The following COG7 variants were observed in gnomAD, a reference collection of about 807,000 sequenced individuals.
COG7 encodes the protein conserved oligomeric Golgi complex subunit 7.
COG7 carries 49 observed loss-of-function variants against 91.5 expected under a neutral mutation model. The observed-to-expected ratio is 0.54, with a 90% CI of 0.43 to 0.68. The LOEUF is 0.68. COG7 is among the 30% of genes least tolerant of loss of function. The probability of loss-of-function intolerance (pLI) is 0.00; values close to 1 mark genes in which losing one functional copy is unlikely to be tolerated. For missense variants in COG7, 895 were observed against 961.3 expected, an observed-to-expected ratio of 0.93 and a Z score of 0.91; for synonymous variants, 365 against 388.7, an observed-to-expected ratio of 0.94 and a Z score of 0.72.
At chr16:23,430,431 A>G (rs1200882331) in intron 6 of COG7, among the ~76,000 whole-genome samples, 4 of 144,342 alleles carry the variant, frequency 2.8e-5, no homozygotes, top group Non-Finnish European at 4.6e-5. Context: ...CCTGTTTCAG[A>G]AAAAAAAAAA....
chr16:23,441,588 A>C (rs1187996222), intron 4 of COG7, among the ~76,000 whole-genome samples: 1 of 152,090 alleles, frequency 6.6e-6, no homozygotes, highest in Non-Finnish European at 1.5e-5. Context: ...AAAACAAAAA[A>C]AATTTACTGG....
chr16:23,424,723 G>A, intron 7 of COG7, 26 bp downstream of exon 7: 1 of 1,612,348 alleles, frequency 6.2e-7, no homozygotes. Context: ...AGACAAGCTA[G>A]AGAACTGGCA....
Position 23,416,989 on chromosome 16 carries a change from C to T in COG7, c.1270G>A (p.Ala424Thr). The change falls in exon 9 of 17, where the codon GCC becomes ACC. Residue 424 changes from alanine to threonine, a missense_variant. Ala to Thr is a moderately conservative substitution (Grantham distance 58). Coordinates refer to ENST00000307149, the MANE Select transcript of COG7 (RefSeq NM_153603.4). ...NGLGTCGLLS[A>T]LKSLFAKYVS... ...TACTTGGCAAAGAGGGATTTCAGGG[C>T]TGACAACAGGCCGCAGGTCCCCAGG... is the stretch of plus-strand genomic sequence containing the variant. 1 of 1,614,224 alleles carries T rather than the reference C, an allele frequency of 6.2e-7. No individual in the cohort carries two copies. Among genetic ancestry groups the T allele is most frequent in the Non-Finnish European group, 8.5e-7 (1 of 1,180,032 alleles).
chr16:23,398,019 C>T (rs1156582871), intron 14 of COG7, 27 bp downstream of exon 14: 2 of 1,598,302 alleles, frequency 1.3e-6, no homozygotes, highest in East Asian at 2.2e-5. Flanking sequence ...CTTGGACCAC[C>T]CTGGAGAAGC....
chr16:23,392,209 A>T, intron 16 of COG7, 171 bp downstream of exon 16: 1 of 1,502,604 alleles, frequency 6.7e-7, no homozygotes, highest in Admixed American at 2.0e-5. Flanking sequence ...GCTAAGTCAG[A>T]ATCTCTGGGG....
intron 6 of COG7, among the ~76,000 whole-genome samples, chr16:23,426,078 T>A (rs1045550578): frequency 2.6e-5 from 4 of 152,066 alleles, no homozygotes; most frequent in South Asian, 2.1e-4. Flanking sequence ...TAGCTGGGCA[T>A]GGTGGTGCAC....
chr16:23,439,449 G>T (rs1964066342), intron 4 of COG7, among the ~76,000 whole-genome samples: 2 of 152,090 alleles, frequency 1.3e-5, no homozygotes, highest in South Asian at 2.1e-4. Context: ...TAGCCAAAAG[G>T]TAGAAATAAC....
At chr16:23,417,741 T>C (rs1173764309) in intron 8 of COG7, among the ~76,000 whole-genome samples, 1 of 152,058 alleles carries the variant, frequency 6.6e-6, no homozygotes, top group African/African-American at 2.4e-5. Flanking sequence ...CTGGGCACCA[T>C]TGGACTTCAA....
intron 6 of COG7, among the ~76,000 whole-genome samples, chr16:23,428,109 G>A (rs1053463545): frequency 6.6e-6 from 1 of 152,168 alleles, no homozygotes; most frequent in East Asian, 1.9e-4. Flanking sequence ...CTGGGGAGGC[G>A]GAGTTTGCAG....
At chr16:23,439,175 A>G (rs1964059321) in intron 4 of COG7, among the ~76,000 whole-genome samples, 2 of 149,654 alleles carry the variant, frequency 1.3e-5, no homozygotes, top group African/African-American at 5.0e-5. Flanking sequence ...AAAAAAAAAA[A>G]AAAAGATAGG....
intron 6 of COG7, among the ~76,000 whole-genome samples, chr16:23,431,534 G>A (rs1341066098): frequency 6.6e-6 from 1 of 152,168 alleles, no homozygotes; most frequent in Non-Finnish European, 1.5e-5. Flanking sequence ...TCTTGGCCGG[G>A]CACAGTGGCT....
chr16:23,411,117 T>C (rs1194380206), intron 10 of COG7, among the ~76,000 whole-genome samples: 2 of 152,210 alleles, frequency 1.3e-5, no homozygotes, highest in South Asian at 2.1e-4. Context: ...TCCCTGATCA[T>C]ATGAAAGGCA....
intron 6 of COG7, 109 bp from the exon 7 acceptor site, chr16:23,425,056 T>C (rs1312609518): frequency 2.2e-6 from 2 of 921,372 alleles, no homozygotes; most frequent in Non-Finnish European, 3.4e-6. Context: ...ATGCCTATAA[T>C]CCCAGCACCT....
At chr16:23,441,289 A>C (rs1183017150) in intron 4 of COG7, among the ~76,000 whole-genome samples, 1 of 152,226 alleles carries the variant, frequency 6.6e-6, no homozygotes, top group Non-Finnish European at 1.5e-5. Context: ...ATAAAGTTTT[A>C]CTTGGCCAGG....
chr16:23,419,029 G>C (rs763659623), intron 7 of COG7, among the ~76,000 whole-genome samples: 2 of 152,196 alleles, frequency 1.3e-5, no homozygotes, highest in Non-Finnish European at 2.9e-5. Flanking sequence ...TTTGGGCTTT[G>C]CACATTGTTT....
At position 23,398,065 on chromosome 16, in the gene COG7, G is replaced by T; in HGVS notation, c.1868C>A (p.Pro623His). Reference sequence around the variant, plus strand: ...TCTTACGTTGCTGATGTACTCGAGAGGGGTGAGACTAAAGGCGGGCAGTTC... The same window carrying T: ...TCTTACGTTGCTGATGTACTCGAGATGGGTGAGACTAAAGGCGGGCAGTTC... ...TDELPAFSLT[P>H]LEYISNIGQY... The change falls in exon 14 of 17, where the codon CCT (proline) becomes CAT (histidine). Residue 623 changes from proline to histidine, a missense_variant. Pro to His is a moderately conservative substitution (Grantham distance 77). Transcript: ENST00000307149. 1 of 1,614,132 alleles carries T rather than the reference G, an allele frequency of 6.2e-7. No homozygotes were observed. Among genetic ancestry groups the T allele is most frequent in the South Asian group, 1.1e-5 (1 of 91,074 alleles).
intron 4 of COG7, among the ~76,000 whole-genome samples, chr16:23,440,614 T>A (rs184373478): frequency 6.6e-6 from 1 of 151,968 alleles, no homozygotes; most frequent in Non-Finnish European, 1.5e-5. Context: ...TGCGCTACCA[T>A]GCCTAGCTAA....
At chr16:23,441,616 C>A (rs1964103003) in intron 4 of COG7, among the ~76,000 whole-genome samples, 1 of 152,116 alleles carries the variant, frequency 6.6e-6, no homozygotes, top group South Asian at 2.1e-4. Context: ...CAAAGCCCAT[C>A]CATTTACGAG....
At chr16:23,448,168 A>G (rs1964211924) in intron 1 of COG7, among the ~76,000 whole-genome samples, 1 of 152,138 alleles carries the variant, frequency 6.6e-6, no homozygotes, top group African/African-American at 2.4e-5. Context: ...AAATAAATGA[A>G]GCTTTAAACC....
Sources: allele counts gnomAD v4.1 joint callset (sites outside exome capture counted in the v4.1 genomes callset), GRCh38; gene constraint gnomAD v4.1.1; transcripts MANE v1.5; gene names NCBI Gene and HGNC (gene_info 2026-07-23, HGNC 2026-07-21).